The following LRRC37A2 variants were observed in gnomAD, a reference collection of about 807,000 sequenced individuals.
LRRC37A2 encodes leucine rich repeat containing 37 member A2.
LRRC37A2 carries 9 observed loss-of-function variants against 68.8 expected under a neutral mutation model. The ratio of observed to expected loss-of-function variants is 0.13; its 90% confidence interval spans 0.08 to 0.23. The LOEUF (loss-of-function observed/expected upper bound fraction) is 0.23. Ranked by LOEUF, LRRC37A2 falls within the 10% of genes least tolerant of loss-of-function variation. The pLI, the probability that LRRC37A2 is intolerant of heterozygous loss-of-function variation, is 1.00. For synonymous variants in LRRC37A2, 63 were observed against 367.6 expected, an observed-to-expected ratio of 0.17 and a Z score of 9.48; for missense variants, 168 against 950.4, an observed-to-expected ratio of 0.18 and a Z score of 10.82.
At chr17:46,822,118 C>T in the LRRC37A2 span, among the ~76,000 whole-genome samples, 1 of 152,234 alleles carries the variant, frequency 6.6e-6, no homozygotes, top group Non-Finnish European at 1.5e-5. Context: ...CCTAACACCA[C>T]AGGGCTTATG....
chr17:46,916,961 T>A, the LRRC37A2 span: 1 of 152,196 alleles, frequency 6.6e-6, no homozygotes, highest in Non-Finnish European at 1.5e-5. Flanking sequence ...AATCCATTCA[T>A]GAAGGCTCTG....
At chr17:46,895,244 T>TC in the LRRC37A2 span, among the ~76,000 whole-genome samples, 14 of 152,178 alleles carry the variant, frequency 9.2e-5, no homozygotes. Flanking sequence ...CTAGCTGGGA[T>TC]CCCCCACCCT....
chr17:46,961,414 C>T, the LRRC37A2 span, among the ~76,000 whole-genome samples: 5 of 152,052 alleles, frequency 3.3e-5, no homozygotes, highest in Non-Finnish European at 7.4e-5. Context: ...GTGCATCTAT[C>T]GTCCCAGCTA....
chr17:46,818,390 G>C, the LRRC37A2 span: 1 of 872,862 alleles, frequency 1.1e-6, no homozygotes. Flanking sequence ...GGGTGGGCGG[G>C]TGGGGGGCTG....
the LRRC37A2 span, among the ~76,000 whole-genome samples, chr17:46,797,895 A>T: frequency 2.0e-5 from 3 of 152,100 alleles, no homozygotes; most frequent in African/African-American, 4.8e-5. Flanking sequence ...AAAATAAAAC[A>T]TTTCATTTAG....
the LRRC37A2 span, among the ~76,000 whole-genome samples, chr17:46,502,512 G>A: frequency 6.6e-6 from 1 of 150,802 alleles, no homozygotes; most frequent in Non-Finnish European, 1.5e-5. Context: ...ATATTGGTCA[G>A]GCTGGTCTCG....
the LRRC37A2 span, among the ~76,000 whole-genome samples, chr17:46,901,312 C>T: frequency 1.3e-5 from 2 of 152,090 alleles, no homozygotes; most frequent in African/African-American, 4.8e-5. Flanking sequence ...CAGACTTGCA[C>T]CATCATGCCC....
the LRRC37A2 span, among the ~76,000 whole-genome samples, chr17:46,779,055 A>ACACACT: frequency 1.3e-5 from 1 of 76,660 alleles, no homozygotes; most frequent in Non-Finnish European, 3.1e-5. Context: ...CTACCCCATC[A>ACACACT]CACACACACA....
the LRRC37A2 span, among the ~76,000 whole-genome samples, chr17:46,588,867 A>G: frequency 7.8e-6 from 1 of 127,970 alleles, no homozygotes; most frequent in African/African-American, 3.7e-5. Context: ...ACAACATGGC[A>G]AAACCCTGTC....
At chr17:47,017,856 C>G in the LRRC37A2 span, 1 of 1,611,160 alleles carries the variant, frequency 6.2e-7, no homozygotes. Flanking sequence ...CCATCTAGAG[C>G]CCGAAACTCA....
the LRRC37A2 span, among the ~76,000 whole-genome samples, chr17:46,745,018 TC>T: frequency 6.8e-6 from 1 of 147,422 alleles, no homozygotes; most frequent in Non-Finnish European, 1.5e-5. Flanking sequence ...ATTTCTTTTT[TC>T]CCAAATAGGT....
the LRRC37A2 span, among the ~76,000 whole-genome samples, chr17:46,920,380 T>C: frequency 1.3e-5 from 2 of 152,102 alleles, no homozygotes; most frequent in African/African-American, 4.8e-5. Context: ...TGTGTTCCTA[T>C]CTCCAGTATC....
At chr17:46,886,336 G>A in the LRRC37A2 span, 1 of 152,246 alleles carries the variant, frequency 6.6e-6, no homozygotes, top group Admixed American at 6.5e-5. Context: ...CATCAAAGAT[G>A]CATAGAACTA....
intron 6 of LRRC37A2, among the ~76,000 whole-genome samples, chr17:46,533,524 CAG>C (rs2054057347): frequency 7.3e-6 from 1 of 137,832 alleles, no homozygotes; most frequent in South Asian, 2.2e-4. Flanking sequence ...TATTTTGGGA[CAG>C]AGTCTCACTC....
chr17:46,900,001 A>T, the LRRC37A2 span, among the ~76,000 whole-genome samples: 1 of 151,492 alleles, frequency 6.6e-6, no homozygotes, highest in East Asian at 1.9e-4. Context: ...CGTGAGTCTC[A>T]GAGTCCTCAT....
chr17:46,709,711 T>C, the LRRC37A2 span, among the ~76,000 whole-genome samples: 1 of 152,044 alleles, frequency 6.6e-6, no homozygotes, highest in Admixed American at 6.5e-5. Flanking sequence ...GCCAGGTTGG[T>C]CTGGAACTCC....
At chr17:46,917,576 A>G in the LRRC37A2 span, among the ~76,000 whole-genome samples, 18 of 152,278 alleles carry the variant, frequency 1.2e-4, no homozygotes, top group Middle Eastern at 3.4e-3. Context: ...TCCTGCCTAC[A>G]GTTCCCAGGC....
the LRRC37A2 span, chr17:46,722,029 C>G: frequency 6.2e-7 from 1 of 1,608,444 alleles, no homozygotes; most frequent in Non-Finnish European, 8.5e-7. Context: ...CCTTGGCTGC[C>G]GTAATATTCA....
the LRRC37A2 span, among the ~76,000 whole-genome samples, chr17:46,841,479 A>G: frequency 6.6e-6 from 1 of 152,200 alleles, no homozygotes; most frequent in East Asian, 1.9e-4. Context: ...AATCCGAAAG[A>G]AAGAGGCCCG....
Sources: gnomAD v4.1 joint callset for allele counts (sites outside exome capture counted in the v4.1 genomes callset) on GRCh38, gnomAD v4.1.1 for gene constraint, MANE v1.5 for transcripts, NCBI Gene and HGNC (gene_info 2026-07-23, HGNC 2026-07-21) for gene names.